Variants in SDK1 observed in about 807,000 individuals in gnomAD.
The protein encoded by SDK1 is protein sidekick-1.
Under a neutral mutation model 245.5 loss-of-function variants are expected in SDK1, and 157 were observed. The observed-to-expected ratio is 0.64, with a 90% CI of 0.56 to 0.73. The LOEUF (loss-of-function observed/expected upper bound fraction) is 0.73, where lower values mean the gene tolerates loss of function less well. SDK1 is among the 30% of genes least tolerant of loss of function. The probability of loss-of-function intolerance (pLI) is 0.00; values close to 1 mark genes in which losing one functional copy is unlikely to be tolerated. For synonymous variants in SDK1, 1,647 were observed against 1,278.5 expected (o/e 1.29, Z -6.15); for missense variants, 3,583 against 3,002.3 (o/e 1.19, Z -4.52).
Position 3,642,116 on chromosome 7 carries a change from C to G in SDK1, c.713+11C>G, listed in dbSNP as rs1166946512. 6.2e-7 allele frequency: 1 copy of G among 1,612,922 alleles called. No individual in the cohort carries two copies. Among genetic ancestry groups the G allele is most frequent in the Non-Finnish European group, 8.5e-7 (1 of 1,179,092 alleles). On this transcript the variant is annotated intron_variant, in intron 4 of 44. Coordinates refer to ENST00000404826, the MANE Select transcript of SDK1 (RefSeq NM_152744.4). ...TCCAAGCAACAGAATGTAAGTTGCT[C>G]CAAACGTTAAAGCTTCAAATACAAT...
At chr7:4,081,077 C>T (rs933838759) in intron 22 of SDK1, among the ~76,000 whole-genome samples, 8 of 152,206 alleles carry the variant, frequency 5.3e-5, no homozygotes, top group Admixed American at 3.3e-4. Flanking sequence ...TGGTGTCTGA[C>T]GATGCCGCAT....
At chr7:3,990,394 C>G (rs1478831049) in intron 14 of SDK1, among the ~76,000 whole-genome samples, 1 of 152,228 alleles carries the variant, frequency 6.6e-6, no homozygotes, top group Non-Finnish European at 1.5e-5. Flanking sequence ...TAGAAACCAG[C>G]GTGTGTGCAG....
At chr7:4,116,405 G>C (rs967701162) in intron 25 of SDK1, among the ~76,000 whole-genome samples, 1 of 152,194 alleles carries the variant, frequency 6.6e-6, no homozygotes, top group South Asian at 2.1e-4. Context: ...GCACCAGCAC[G>C]TGCCCAGTGC....
intron 1 of SDK1, among the ~76,000 whole-genome samples, chr7:3,540,820 A>C (rs1211098606): frequency 6.6e-6 from 1 of 152,236 alleles, no homozygotes; most frequent in Non-Finnish European, 1.5e-5. Flanking sequence ...ATCTATAATA[A>C]AGGACTTTAA....
At chr7:3,588,607 C>G (rs1038328890) in intron 1 of SDK1, among the ~76,000 whole-genome samples, 1 of 152,122 alleles carries the variant, frequency 6.6e-6, no homozygotes, top group African/African-American at 2.4e-5. Flanking sequence ...CAGTCAGTGG[C>G]TTAATGTTAA....
At chr7:3,939,795 C>G (rs1424970412) in intron 5 of SDK1, among the ~76,000 whole-genome samples, 1 of 152,232 alleles carries the variant, frequency 6.6e-6, no homozygotes, top group African/African-American at 2.4e-5. Context: ...ACCTGTTGCT[C>G]TGAGATGCTT....
chr7:4,024,582 C>T (rs561616668), intron 17 of SDK1, among the ~76,000 whole-genome samples: 1 of 152,266 alleles, frequency 6.6e-6, no homozygotes, highest in Admixed American at 6.5e-5. Flanking sequence ...CACTGTGTAC[C>T]AGCCTTCACC....
At position 3,639,052 on chromosome 7, in the gene SDK1, C is replaced by T. The variant is rs199977615; in HGVS notation, c.507C>T (p.Cys169=). Residue 169 remains cysteine (C), a synonymous_variant, in exon 3 of 45, where the codon TGC becomes TGT. Transcript: ENST00000404826. The stretch of plus-strand genomic sequence containing the variant: ...AGCTCGATGCTGGGTTTTACCGCTG[C>T]GTGGTGCGAAACAGAATGGGAGCAC... ...LQKLDAGFYR[C]VVRNRMGALL... is the part of the protein sequence containing the mutation. 24 of 1,604,826 alleles carry T rather than the reference C, an allele frequency of 1.5e-5. No individual in the cohort carries two copies. Among genetic ancestry groups the T allele is most frequent in the South Asian group, 4.4e-5 (4 of 89,964 alleles).
chr7:4,139,479 ATGTGTG>A (rs1292285302), intron 28 of SDK1, among the ~76,000 whole-genome samples: 3 of 99,082 alleles, frequency 3.0e-5, no homozygotes, highest in Admixed American at 9.6e-5. Flanking sequence ...GTGTGTGTAT[ATGTGTG>A]TGTATATATG....
chr7:3,644,378 A>C (rs1583264331), intron 4 of SDK1, among the ~76,000 whole-genome samples: 1 of 151,772 alleles, frequency 6.6e-6, no homozygotes, highest in Non-Finnish European at 1.5e-5. Context: ...ATCCACCTTT[A>C]TATTGATTCC....
At chr7:4,235,370 G>T (rs1183299480) in intron 41 of SDK1, among the ~76,000 whole-genome samples, 1 of 152,142 alleles carries the variant, frequency 6.6e-6, no homozygotes, top group Non-Finnish European at 1.5e-5. Flanking sequence ...CACCCTGTTG[G>T]CCAGGCTGGT....
At chr7:3,565,384 C>T (rs907721126) in intron 1 of SDK1, among the ~76,000 whole-genome samples, 2 of 152,106 alleles carry the variant, frequency 1.3e-5, no homozygotes, top group South Asian at 2.1e-4. Flanking sequence ...AAGTATGTAC[C>T]ACAAATGCTC....
At chr7:3,510,356 G>T (rs1181198896) in intron 1 of SDK1, among the ~76,000 whole-genome samples, 1 of 152,158 alleles carries the variant, frequency 6.6e-6, no homozygotes, top group Non-Finnish European at 1.5e-5. Context: ...AGGTATTACT[G>T]AATAATGTGG....
intron 1 of SDK1, among the ~76,000 whole-genome samples, chr7:3,587,592 C>T (rs1030248015): frequency 6.6e-6 from 1 of 152,234 alleles, no homozygotes; most frequent in East Asian, 1.9e-4. Flanking sequence ...TCCGCTTTTT[C>T]AGCCCCCAAT....
At chr7:3,733,871 A>T (rs1037435510) in intron 4 of SDK1, among the ~76,000 whole-genome samples, 1 of 152,202 alleles carries the variant, frequency 6.6e-6, no homozygotes, top group African/African-American at 2.4e-5. Context: ...AGAATCGCAC[A>T]TAAGAATCAC....
intron 4 of SDK1, among the ~76,000 whole-genome samples, chr7:3,656,435 T>G (rs1198214260): frequency 6.6e-6 from 1 of 152,208 alleles, no homozygotes; most frequent in Non-Finnish European, 1.5e-5. Context: ...TGCACTGACA[T>G]TTTCTTCTGG....
At chr7:3,600,648 A>G (rs1286820089) in intron 1 of SDK1, among the ~76,000 whole-genome samples, 1 of 143,208 alleles carries the variant, frequency 7.0e-6, no homozygotes, top group Non-Finnish European at 1.5e-5. Flanking sequence ...TCCCGGGTTC[A>G]CGCCATTCTC....
chr7:3,817,235 ACCT>A (rs542808704), intron 4 of SDK1, among the ~76,000 whole-genome samples: 1 of 152,224 alleles, frequency 6.6e-6, no homozygotes, highest in South Asian at 2.1e-4. Flanking sequence ...ATTTCTGGAC[ACCT>A]CCTGGAACTC....
At chr7:3,637,211 T>A (rs1252109942) in intron 2 of SDK1, among the ~76,000 whole-genome samples, 1 of 152,098 alleles carries the variant, frequency 6.6e-6, no homozygotes, top group Non-Finnish European at 1.5e-5. Flanking sequence ...GATTCTCCTG[T>A]TTCAGCCCCC....
Sources: gnomAD v4.1 joint callset for allele counts (sites outside exome capture counted in the v4.1 genomes callset) on GRCh38, gnomAD v4.1.1 for gene constraint, MANE v1.5 for transcripts, NCBI Gene and HGNC (gene_info 2026-07-23, HGNC 2026-07-21) for gene names.